Variants in ABAT observed in about 807,000 individuals in gnomAD.
ABAT encodes 4-aminobutyrate aminotransferase.
In ABAT, 45 loss-of-function variants were observed where a neutral mutation model predicts 64.6. The ratio of observed to expected loss-of-function variants is 0.70; its 90% CI spans 0.55 to 0.89. The LOEUF is 0.89. Among genes scored for constraint, ABAT ranks in the 40% least tolerant of loss-of-function variants. The pLI, the probability that ABAT is intolerant of heterozygous loss-of-function variation, is 0.00. For missense variants in ABAT, 633 were observed against 658.4 expected, an observed-to-expected ratio of 0.96 and a Z score of 0.42; for synonymous variants, 297 against 250.5, an observed-to-expected ratio of 1.19 and a Z score of -1.75.
intron 1 of ABAT, chr16:8,722,630 G>A (rs2058404986): frequency 2.8e-6 from 1 of 361,648 alleles, no homozygotes; most frequent in Non-Finnish European, 5.3e-6. Context: ...CAGAGACCAG[G>A]AGGGCCAACA....
chr16:8,755,055 G>A (rs1175100402), intron 5 of ABAT, among the ~76,000 whole-genome samples: 1 of 152,086 alleles, frequency 6.6e-6, no homozygotes, highest in Admixed American at 6.6e-5. Context: ...ACTCTTTGGG[G>A]CACAGTTTCA....
intron 6 of ABAT, 110 bp downstream of exon 6, chr16:8,757,916 A>C (rs1393175308): frequency 8.2e-7 from 1 of 1,219,166 alleles, no homozygotes. Context: ...CATTCCATAA[A>C]TATGTATTGA....
At chr16:8,715,702 TTGTA>T (rs2058198393) in intron 1 of ABAT, 1 of 150,790 alleles carries the variant, frequency 6.6e-6, no homozygotes, top group African/African-American at 2.4e-5. Flanking sequence ...TGAATATAGA[TTGTA>T]TGTTAGATAA....
At chr16:8,739,529 C>T (rs1227719321) in intron 2 of ABAT, among the ~76,000 whole-genome samples, 5 of 152,140 alleles carry the variant, frequency 3.3e-5, no homozygotes, top group East Asian at 1.9e-4. Flanking sequence ...ACCAGCCTGG[C>T]CAACATGATG....
At chr16:8,743,705 ATAT>A (rs2059249330) in intron 2 of ABAT, among the ~76,000 whole-genome samples, 1 of 6,548 alleles carries the variant, frequency 1.5e-4, no homozygotes, top group Non-Finnish European at 4.0e-4. Context: ...TATTTTAGTT[ATAT>A]ATGTAGTTAT....
chr16:8,730,682 G>A (rs1001532076), intron 1 of ABAT, among the ~76,000 whole-genome samples: 1 of 152,132 alleles, frequency 6.6e-6, no homozygotes, highest in Non-Finnish European at 1.5e-5. Context: ...CCACTGTGGG[G>A]CTGGGTAGAG....
rs1483349576 is a variant in ABAT at position 8,731,322 on chromosome 16, G to A, written c.-41-4377G>A. The stretch of plus-strand genomic sequence containing the variant: ...TTTCATAGTTCAGGAACACAGGTCA[G>A]TGATAAACTTCTAGGTAACTCAACC... On this transcript the variant is annotated intron_variant, in intron 1 of 15. Coordinates refer to ENST00000268251, the MANE Select transcript of ABAT (RefSeq NM_020686.6). 3.3e-5 allele frequency: 5 copies of A among 152,214 alleles called. No individual in the cohort carries two copies. In the East Asian group the frequency reaches 7.7e-4, roughly 23 times the overall value. 9.4% of individuals were successfully genotyped at this position (152,214 alleles called of 1,614,324 possible).
intron 2 of ABAT, among the ~76,000 whole-genome samples, chr16:8,739,705 G>A (rs895704603): frequency 7.9e-5 from 12 of 152,010 alleles, no homozygotes; most frequent in Non-Finnish European, 1.5e-4. Flanking sequence ...AAGGTGGGAA[G>A]TGTCCTAACT....
chr16:8,734,386 G>A (rs971569044), intron 1 of ABAT, among the ~76,000 whole-genome samples: 1 of 152,094 alleles, frequency 6.6e-6, no homozygotes, highest in African/African-American at 2.4e-5. Flanking sequence ...AGCACTCAAT[G>A]GAGTACTTGT....
At chr16:8,719,606 G>A (rs1248037625) in intron 1 of ABAT, among the ~76,000 whole-genome samples, 1 of 152,056 alleles carries the variant, frequency 6.6e-6, no homozygotes, top group East Asian at 1.9e-4. Flanking sequence ...AAATCTGGAT[G>A]TTGAGGCTGG....
chr16:8,711,240 A>G (rs151298051), intron 1 of ABAT, among the ~76,000 whole-genome samples: 21 of 152,304 alleles, frequency 1.4e-4, no homozygotes, highest in African/African-American at 5.1e-4. Context: ...ATGGCCAAAT[A>G]TTTCATGATA....
intron 5 of ABAT, among the ~76,000 whole-genome samples, chr16:8,757,014 G>A (rs761248410): frequency 3.3e-5 from 5 of 152,090 alleles, no homozygotes; most frequent in Non-Finnish European, 7.4e-5. Flanking sequence ...ATCACTACTC[G>A]CTCAGTCTCT....
intron 1 of ABAT, among the ~76,000 whole-genome samples, chr16:8,678,792 C>A (rs1035079388): frequency 6.6e-6 from 1 of 152,120 alleles, no homozygotes; most frequent in Non-Finnish European, 1.5e-5. Context: ...TGAGGTGGAT[C>A]CACATTCCTG....
At chr16:8,682,666 C>A (rs552344030) in intron 1 of ABAT, among the ~76,000 whole-genome samples, 1 of 152,190 alleles carries the variant, frequency 6.6e-6, no homozygotes, top group Non-Finnish European at 1.5e-5. Context: ...CAGCATCTCC[C>A]ATTTAGGTGC....
chr16:8,730,712 G>A (rs75474998), intron 1 of ABAT, among the ~76,000 whole-genome samples: 9,665 of 152,056 alleles, frequency 0.064, 388 homozygotes, highest in African/African-American at 0.089. Flanking sequence ...CCAAGCCAGG[G>A]CTGCATGAGG....
In ABAT at chr16:8,743,441, A is replaced by ATATATATATATATATATATG. The variant is rs1158084095; in HGVS notation, c.71-2556_71-2555insTATATATATATATATGTATA. ...GAAACAGTTATATATATATATATAT[A>ATATATATATATATATATATG]TATACACACATTTTATAATATATTA... On this transcript the variant is annotated intron_variant, in intron 2 of 15. Transcript: ENST00000268251. Among the ~76,000 whole-genome samples the ATATATATATATATATATATG allele has an allele frequency of 9.7e-4, 86 of 89,006 alleles. 2 individuals are homozygous for ATATATATATATATATATATG. Among genetic ancestry groups the ATATATATATATATATATATG allele is most frequent in the African/African-American group, 3.0e-3 (79 of 26,532 alleles). 58.4% of individuals were successfully genotyped at this position (89,006 alleles called of 152,430 possible).
intron 2 of ABAT, among the ~76,000 whole-genome samples, chr16:8,740,528 G>A (rs901297282): frequency 6.6e-6 from 1 of 152,168 alleles, no homozygotes; most frequent in Non-Finnish European, 1.5e-5. Context: ...CGCTTACAAT[G>A]TGGCAACTGC....
At chr16:8,688,096 G>C (rs2057498796) in intron 1 of ABAT, among the ~76,000 whole-genome samples, 1 of 151,966 alleles carries the variant, frequency 6.6e-6, no homozygotes. Flanking sequence ...TAGAGGCAAG[G>C]TCTTGCTATG....
chr16:8,764,717 C>T lies in ABAT; in HGVS notation c.448-21C>T, dbSNP rs749138260. ...AGGAGTCATGATGAGCCTGGGCTCA[C>T]GGCTATTTCCCTCCCCACAGGTGGC... On this transcript the variant is annotated intron_variant, in intron 7 of 15. Transcript: ENST00000268251. This position sits in a 1 kb window ranked among gnomAD's most constrained non-coding sequence, Gnocchi z 4.2. 88 of 1,608,268 alleles carry T rather than the reference C, an allele frequency of 5.5e-5. No homozygotes were observed. The highest frequency in any genetic ancestry group is 6.6e-5 in the Non-Finnish European group (78 of 1,174,810).
Sources: gnomAD v4.1 joint callset for allele counts (sites outside exome capture counted in the v4.1 genomes callset) on GRCh38, gnomAD v4.1.1 for gene constraint, Gnocchi (gnomAD v3.1) non-coding constraint, MANE v1.5 for transcripts, NCBI Gene and HGNC (gene_info 2026-07-23, HGNC 2026-07-21) for gene names.